Variants in GNA13 observed in about 807,000 individuals in gnomAD.
GNA13 encodes the protein guanine nucleotide-binding protein subunit alpha-13.
GNA13 carries 4 observed loss-of-function variants against 33.5 expected under a neutral mutation model. The observed-to-expected ratio is 0.12, with a 90% CI of 0.06 to 0.27. The LOEUF (loss-of-function observed/expected upper bound fraction) is 0.27, where lower values mean the gene tolerates loss of function less well. GNA13 is among the 10% of genes least tolerant of loss of function. The pLI, the probability that GNA13 is intolerant of heterozygous loss-of-function variation, is 1.00. For missense variants in GNA13, 319 were observed against 487.2 expected (o/e 0.65, Z 3.25); for synonymous variants, 176 against 183.8 (o/e 0.96, Z 0.34).
At chr17:65,052,189 T>C (rs1441074662) in intron 2 of GNA13, 1 of 152,278 alleles carries the variant, frequency 6.6e-6, no homozygotes, top group Non-Finnish European at 1.5e-5. Context: ...GTTCTGCTCT[T>C]GTTGCCCAGG....
In GNA13 at chr17:65,014,764, G is replaced by A. The variant is rs757591251; in HGVS notation, c.627C>T (p.Tyr209=). The part of the protein sequence containing the change: ...ARRPTKGIHE[Y]DFEIKNVPFK... ...AAGGAACATTTTTTATTTCAAAGTC[G>A]TATTCATGGATGCCTTTGGTGGGTC... The change falls in exon 4 of 4, where the codon TAC becomes TAT. Residue 209 remains tyrosine, a synonymous_variant. Transcript: ENST00000439174. The surrounding 1 kb of genome is among the most constrained non-coding windows in gnomAD (Gnocchi z 5.3). The A allele has an allele frequency of 6.2e-6, 10 of 1,612,950 alleles. No homozygotes were observed. Among genetic ancestry groups the A allele is most frequent in the East Asian group, 4.5e-5 (2 of 44,866 alleles).
At chr17:65,055,790 C>T in intron 1 of GNA13, 1 of 985,074 alleles carries the variant, frequency 1.0e-6, no homozygotes, top group Non-Finnish European at 1.2e-6. Context: ...GGTTCCAGAA[C>T]TCGCTTGCTT....
intron 2 of GNA13, among the ~76,000 whole-genome samples, chr17:65,034,578 G>A (rs1907176725): frequency 6.6e-6 from 1 of 151,820 alleles, no homozygotes; most frequent in African/African-American, 2.4e-5. Flanking sequence ...GATTAAAGGT[G>A]TGAGCCACCG....
intron 2 of GNA13, among the ~76,000 whole-genome samples, chr17:65,033,192 G>C (rs1479455689): frequency 2.0e-5 from 3 of 151,950 alleles, no homozygotes; most frequent in African/African-American, 7.3e-5. Context: ...GTTATCATTA[G>C]AGCATAGTTA....
chr17:65,041,263 T>C (rs1400148472), intron 2 of GNA13, among the ~76,000 whole-genome samples: 1 of 152,220 alleles, frequency 6.6e-6, no homozygotes, highest in Non-Finnish European at 1.5e-5. Flanking sequence ...AAGCTAAATA[T>C]AGCTGCCTTG....
rs1240819590 is a variant in GNA13 at position 65,049,993 on chromosome 17, G to C, written c.510+3509C>G. Among the ~76,000 whole-genome samples, 5 of 152,162 alleles carry C rather than the reference G, an allele frequency of 3.3e-5. No individual in the cohort carries two copies. In the South Asian group the frequency reaches 1.0e-3, roughly 31 times the overall value. ...AGAAGCAAAAAATTAGGGTATGTGG[G>C]AATCAAGAGATTACAGAGTATGTCC... On this transcript the variant is annotated intron_variant, in intron 2 of 3. Transcript: ENST00000439174.
chr17:65,014,048 C>T lies in GNA13; in HGVS notation c.*209G>A, dbSNP rs1409435614. The T allele has an allele frequency of 1.9e-6, 1 of 537,474 alleles. No individual in the cohort carries two copies. The highest frequency in any genetic ancestry group is 3.3e-6 in the Non-Finnish European group (1 of 302,430). 33.3% of individuals were successfully genotyped at this position (537,474 alleles called of 1,614,324 possible). ...GAAGCCATGGTGAAACAGATCAAAG[C>T]CTGCATTACAGCAAATCTTGGCGAT... On this transcript the variant is annotated 3_prime_UTR_variant, in exon 4 of 4. Coordinates refer to ENST00000439174, the MANE Select transcript of GNA13 (RefSeq NM_006572.6). The surrounding 1 kb of genome is among the most constrained non-coding windows in gnomAD (Gnocchi z 5.3).
chr17:65,027,435 C>T (rs1906833847), intron 2 of GNA13, among the ~76,000 whole-genome samples: 1 of 151,930 alleles, frequency 6.6e-6, no homozygotes, highest in South Asian at 2.1e-4. Context: ...GGCGTACCAC[C>T]ACAAGCAGCC....
chr17:65,035,781 AT>A (rs367585696), intron 2 of GNA13, among the ~76,000 whole-genome samples: 7,030 of 146,478 alleles, frequency 0.048, 181 homozygotes, highest in South Asian at 0.087. Context: ...TTCGTTGTTA[AT>A]TTTTTTTTTT....
intron 1 of GNA13, 60 bp downstream of exon 1, chr17:65,056,251 A>ACCCCCCCCCCCCCCCCCCCCCC: frequency 2.7e-6 from 2 of 740,728 alleles, no homozygotes; most frequent in Non-Finnish European, 4.1e-6. Context: ...CCCGCCCCGC[A>ACCCCCCCCCCCCCCCCCCCCCC]CCCGCCGCCG....
At chr17:65,028,487 T>G (rs9900939) in intron 2 of GNA13, among the ~76,000 whole-genome samples, 1,733 of 152,080 alleles carry the variant, frequency 0.011, 36 homozygotes, top group African/African-American at 0.04. Flanking sequence ...AGGTGATTCT[T>G]AAGGTTGCTC....
Position 65,014,554 on chromosome 17 carries a change from C to A in GNA13, c.837G>T (p.Arg279=). The change falls in exon 4 of 4, where the codon CGG becomes CGT. Residue 279 remains arginine, a synonymous_variant. Transcript: ENST00000439174. This position sits in a 1 kb window ranked among gnomAD's most constrained non-coding sequence, Gnocchi z 5.3. ...GAATTATGGAGACATTGCTGAAAAC[C>A]CGGTTATTGACGATTGTTTCAAAAA... ...LNIFETIVNN[R]VFSNVSIILF... is the part of the protein sequence containing the mutation. The A allele has an allele frequency of 6.2e-7, 1 of 1,614,104 alleles. No individual in the cohort carries two copies. Among genetic ancestry groups the A allele is most frequent in the Non-Finnish European group, 8.5e-7 (1 of 1,180,020 alleles).
chr17:65,027,768 G>A (rs1906847088), intron 2 of GNA13, among the ~76,000 whole-genome samples: 1 of 152,164 alleles, frequency 6.6e-6, no homozygotes, highest in Non-Finnish European at 1.5e-5. Flanking sequence ...TAAGAATGAT[G>A]GGAGAGGCCA....
Position 65,010,849 on chromosome 17 carries a change from A to G in GNA13, c.*3408T>C. On this transcript the variant is annotated 3_prime_UTR_variant, in exon 4 of 4. Transcript: ENST00000439174. The stretch of plus-strand genomic sequence containing the variant: ...CATACACAGAAATAACATTGCTACA[A>G]ACTGCAATGGAGAGAATCTTGTTTC... 1 of 209,050 alleles carries G rather than the reference A, an allele frequency of 4.8e-6. No homozygotes were observed. The highest frequency in any genetic ancestry group is 9.8e-6 in the Non-Finnish European group (1 of 102,484). 12.9% of individuals were successfully genotyped at this position (209,050 alleles called of 1,614,324 possible).
rs77089687 is a variant in GNA13, at chr17:65,027,122, A to G, written c.511-8819T>C. ...TAAGGCTCACTACTTTCTGAAGCAGAAGGAAAGAAACCATTTTATGAAAAT... is the reference window on the plus strand; with the variant it reads ...TAAGGCTCACTACTTTCTGAAGCAGGAGGAAAGAAACCATTTTATGAAAAT... On this transcript the variant is annotated intron_variant, in intron 2 of 3. Coordinates refer to ENST00000439174, the MANE Select transcript of GNA13 (RefSeq NM_006572.6). Among the ~76,000 whole-genome samples the G allele has an allele frequency of 1.7e-3, 266 of 152,256 alleles. 1 individual carries two copies. The highest frequency in any genetic ancestry group is 6.1e-3 in the African/African-American group (252 of 41,532).
chr17:65,039,978 G>A (rs532132125), intron 2 of GNA13, among the ~76,000 whole-genome samples: 3 of 152,048 alleles, frequency 2.0e-5, no homozygotes, highest in South Asian at 4.2e-4. Context: ...TTTTGCATTC[G>A]CTAGTTACTT....
At position 65,013,830 on chromosome 17, in the gene GNA13, A is replaced by G. The variant is rs1028287401; in HGVS notation, c.*427T>C. ...ACCATAAAGTTAGGCAACAAGTGTC[A>G]CTGCTATATGTAAGGCGGACAGAAG... On this transcript the variant is annotated 3_prime_UTR_variant, in exon 4 of 4. Transcript: ENST00000439174. 3 of 224,408 alleles carry G rather than the reference A, an allele frequency of 1.3e-5. No homozygotes were observed. The highest frequency in any genetic ancestry group is 6.7e-5 in the African/African-American group (3 of 44,664). The allele number at this position is 224,408 out of a possible 1,614,324, so 13.9% of individuals were successfully genotyped here.
chr17:65,018,124 A>T, intron 3 of GNA13, 129 bp downstream of exon 3: 1 of 216,006 alleles, frequency 4.6e-6, no homozygotes, highest in African/African-American at 2.7e-5. Flanking sequence ...AAAAAAAAAA[A>T]AAAAAAAAAA....
rs1907458681 is a variant in GNA13 at position 65,041,660 on chromosome 17, G to A, written c.510+11842C>T. 3.3e-5 allele frequency among the ~76,000 whole-genome samples: 5 copies of A among 152,126 alleles called. 1 individual carries two copies. On this transcript the variant is annotated intron_variant, in intron 2 of 3. Coordinates refer to ENST00000439174, the MANE Select transcript of GNA13 (RefSeq NM_006572.6). ...AAGAGTACGTCTGTGTGTGCACGTG[G>A]AAGGGGTGTGGGGAGCACCTCAGAG...
Sources: allele counts gnomAD v4.1 joint callset (sites outside exome capture counted in the v4.1 genomes callset), GRCh38; gene constraint gnomAD v4.1.1; non-coding constraint Gnocchi (gnomAD v3.1); transcripts MANE v1.5; gene names NCBI Gene and HGNC (gene_info 2026-07-23, HGNC 2026-07-21).